Variants in LRRTM4 observed in about 807,000 individuals in gnomAD.
LRRTM4 encodes leucine rich repeat transmembrane neuronal 4, also known as leucine-rich repeat transmembrane neuronal protein 4.
In LRRTM4, 25 loss-of-function variants were observed where a neutral mutation model predicts 47.6. That is an observed-to-expected ratio of 0.53 (90% CI 0.38 to 0.73). LRRTM4 has a LOEUF of 0.73. LRRTM4 is among the 30% of genes least tolerant of loss of function. LRRTM4 has a pLI of 0.00. For synonymous variants in LRRTM4, 311 were observed against 269.5 expected (o/e 1.15, Z -1.51); for missense variants, 638 against 713.4 (o/e 0.89, Z 1.20).
intron 3 of LRRTM4, among the ~76,000 whole-genome samples, chr2:77,166,918 A>G (rs1478029494): frequency 2.6e-5 from 4 of 152,286 alleles, no homozygotes; most frequent in Admixed American, 2.0e-4. Context: ...TGACTAAAAC[A>G]CCAAAAGCAA....
chr2:77,034,914 C>G (rs1324267271), intron 3 of LRRTM4, among the ~76,000 whole-genome samples: 1 of 151,820 alleles, frequency 6.6e-6, no homozygotes, highest in East Asian at 1.9e-4. Flanking sequence ...CCCAGTGTTA[C>G]AGTTCATATA....
intron 3 of LRRTM4, among the ~76,000 whole-genome samples, chr2:76,781,428 G>A (rs1049858649): frequency 6.6e-6 from 1 of 152,252 alleles, no homozygotes; most frequent in Non-Finnish European, 1.5e-5. Flanking sequence ...AGGACCCTCC[G>A]AGCCAGGTGT....
At chr2:76,974,832 A>G (rs1329981631) in intron 3 of LRRTM4, among the ~76,000 whole-genome samples, 2 of 151,634 alleles carry the variant, frequency 1.3e-5, no homozygotes, top group Non-Finnish European at 3.0e-5. Context: ...TTTTCAAACC[A>G]TTTTACTCTT....
intron 3 of LRRTM4, among the ~76,000 whole-genome samples, chr2:77,294,411 T>C (rs1245676638): frequency 2.0e-5 from 3 of 152,150 alleles, no homozygotes; most frequent in African/African-American, 7.2e-5. Flanking sequence ...TGCATGCATT[T>C]GGCAGAATGT....
At chr2:77,247,267 A>G (rs1675473732) in intron 3 of LRRTM4, among the ~76,000 whole-genome samples, 1 of 152,140 alleles carries the variant, frequency 6.6e-6, no homozygotes, top group Non-Finnish European at 1.5e-5. Flanking sequence ...GGAAAGCAAA[A>G]TATAACTTCA....
At chr2:76,780,912 T>C (rs1438703053) in intron 3 of LRRTM4, among the ~76,000 whole-genome samples, 1 of 151,928 alleles carries the variant, frequency 6.6e-6, no homozygotes, top group Non-Finnish European at 1.5e-5. Flanking sequence ...TGGTCTTTGA[T>C]GATGGTGATG....
At chr2:77,113,603 T>A (rs961247866) in intron 3 of LRRTM4, among the ~76,000 whole-genome samples, 4 of 151,630 alleles carry the variant, frequency 2.6e-5, no homozygotes, top group African/African-American at 9.7e-5. Flanking sequence ...GAAACTAAGG[T>A]TGAGGAGGTC....
At chr2:76,929,964 A>C (rs2103830994) in intron 3 of LRRTM4, among the ~76,000 whole-genome samples, 1 of 145,764 alleles carries the variant, frequency 6.9e-6, no homozygotes, top group Non-Finnish European at 1.5e-5. Context: ...TGTGTGTTTT[A>C]AATTTAATTT....
intron 3 of LRRTM4, among the ~76,000 whole-genome samples, chr2:77,401,433 A>G (rs1005333963): frequency 1.3e-4 from 20 of 151,890 alleles, no homozygotes; most frequent in African/African-American, 4.6e-4. Flanking sequence ...ATTTTCCTTC[A>G]TATCATAAAT....
intron 3 of LRRTM4, among the ~76,000 whole-genome samples, chr2:77,012,583 T>C (rs1313247515): frequency 1.3e-5 from 2 of 152,212 alleles, no homozygotes; most frequent in East Asian, 3.8e-4. Context: ...AAAGTTCTAA[T>C]GTTACTTGTT....
chr2:77,517,560 C>T (rs1558779960), intron 3 of LRRTM4: 1 of 984,648 alleles, frequency 1.0e-6, no homozygotes, highest in Non-Finnish European at 1.2e-6. Context: ...TCTGATTAAA[C>T]ACAAATAGCC....
At chr2:77,317,786 T>C (rs1677658169) in intron 3 of LRRTM4, among the ~76,000 whole-genome samples, 1 of 152,014 alleles carries the variant, frequency 6.6e-6, no homozygotes, top group South Asian at 2.1e-4. Flanking sequence ...GTTCCCTATA[T>C]AGATAAAACC....
At chr2:77,067,820 T>A (rs1299558846) in intron 3 of LRRTM4, among the ~76,000 whole-genome samples, 2 of 151,934 alleles carry the variant, frequency 1.3e-5, no homozygotes, top group Admixed American at 6.6e-5. Flanking sequence ...TCAGAAAGTC[T>A]CTTAGTGGAT....
At chr2:77,520,090 A>C (rs572307436) in intron 2 of LRRTM4, among the ~76,000 whole-genome samples, 1 of 152,098 alleles carries the variant, frequency 6.6e-6, no homozygotes, top group Non-Finnish European at 1.5e-5. Context: ...CATAGAATTA[A>C]GAAAAGCCTT....
At chr2:76,981,522 T>C (rs1212885172) in intron 3 of LRRTM4, among the ~76,000 whole-genome samples, 1 of 152,092 alleles carries the variant, frequency 6.6e-6, no homozygotes, top group Non-Finnish European at 1.5e-5. Context: ...TTGGATAGGA[T>C]CTTGCTCTGT....
chr2:76,998,770 T>TTTTTTTTTTTTTTCTG (rs1491327364), intron 3 of LRRTM4, among the ~76,000 whole-genome samples: 12 of 77,202 alleles, frequency 1.6e-4, no homozygotes, highest in African/African-American at 6.9e-4. Flanking sequence ...ATATTTTCTG[T>TTTTTTTTTTTTTTCTG]TTTTTTTTTT....
intron 3 of LRRTM4, among the ~76,000 whole-genome samples, chr2:77,086,047 A>G (rs114932595): frequency 0.014 from 2,138 of 152,262 alleles, 50 homozygotes; most frequent in African/African-American, 0.048. Flanking sequence ...AAAATATCCT[A>G]TGAAAGATGG....
chr2:76,897,178 T>G (rs904813217), intron 3 of LRRTM4, among the ~76,000 whole-genome samples: 4 of 152,158 alleles, frequency 2.6e-5, no homozygotes, highest in African/African-American at 9.6e-5. Flanking sequence ...CTGCTGAATT[T>G]TGCTTGTTTG....
At chr2:77,199,051 C>T (rs904641835) in intron 3 of LRRTM4, among the ~76,000 whole-genome samples, 2 of 152,102 alleles carry the variant, frequency 1.3e-5, no homozygotes, top group East Asian at 3.9e-4. Flanking sequence ...TCTGTTTTAG[C>T]ACTTTGGAGC....
Sources: allele counts gnomAD v4.1 joint callset (sites outside exome capture counted in the v4.1 genomes callset), GRCh38; gene constraint gnomAD v4.1.1; transcripts MANE v1.5; gene names NCBI Gene and HGNC (gene_info 2026-07-23, HGNC 2026-07-21).